BLOC1S4: variants seen among roughly 807,000 people sequenced by gnomAD.
BLOC1S4 encodes the protein biogenesis of lysosomal organelles complex 1 subunit 4, also known as biogenesis of lysosome-related organelles complex 1 subunit 4.
For missense variants in BLOC1S4, 332 were observed against 308.8 expected (o/e 1.07, Z -0.56); for synonymous variants, 179 against 143.7 (o/e 1.25, Z -1.76).
rs1410790530 is a variant in BLOC1S4 at position 6,716,914 on chromosome 4, T to C, written c.*51T>C. The C allele has an allele frequency of 2.0e-6, 3 of 1,470,764 alleles. No individual in the cohort carries two copies. Among genetic ancestry groups the C allele is most frequent in the Non-Finnish European group, 2.7e-6 (3 of 1,096,100 alleles). 91.1% of individuals were successfully genotyped at this position (1,470,764 alleles called of 1,614,324 possible). A position where few individuals can be genotyped will look rare whatever the true frequency, so the allele number is the denominator to read the frequency against. On this transcript the variant is annotated 3_prime_UTR_variant, in exon 1 of 1. Transcript: ENST00000320776. The stretch of plus-strand genomic sequence containing the variant: ...CCCCAGCTGGGGTGCTTACCTCCAG[T>C]ATGAAGTGAATTGCAAATCCTGCTT...
chr4:6,716,752 G>A lies in BLOC1S4; in HGVS notation c.543G>A (p.Ser181=). The A allele has an allele frequency of 1.2e-6, 2 of 1,613,844 alleles. No individual in the cohort carries two copies. The highest frequency in any genetic ancestry group is 1.3e-5 in the African/African-American group (1 of 75,068). The stretch of plus-strand genomic sequence containing the variant: ...TCCTGCACACGATGAACGTGCCCTC[G>A]CTCTTTAGCAAGTCTGCTCCCTCGA... ...KKLLHTMNVP[S]LFSKSAPSRP... is the part of the protein sequence containing the mutation. The change falls in exon 1 of 1, where the codon TCG becomes TCA. Residue 181 remains serine, a synonymous_variant. Transcript: ENST00000320776.
rs993108085 is a variant in BLOC1S4 at position 6,717,607 on chromosome 4, A to G, written c.*744A>G. On this transcript the variant is annotated 3_prime_UTR_variant, in exon 1 of 1. Coordinates refer to ENST00000320776, the MANE Select transcript of BLOC1S4 (RefSeq NM_018366.3). ...TATGTGGGTTGCCAATGTTTGGTTT[A>G]TAATTTAAATGTTAATAGAAATTTT... 2 of 166,546 alleles carry G rather than the reference A, an allele frequency of 1.2e-5. No individual in the cohort carries two copies. The highest frequency in any genetic ancestry group is 1.9e-4 in the East Asian group (1 of 5,200). 10.3% of individuals were successfully genotyped at this position (166,546 alleles called of 1,614,324 possible). A position where few individuals can be genotyped will look rare whatever the true frequency, so the allele number is the denominator to read the frequency against.
chr4:6,716,662 G>A lies in BLOC1S4; in HGVS notation c.453G>A (p.Arg151=), dbSNP rs750847509. The A allele has an allele frequency of 1.1e-5, 18 of 1,611,016 alleles. No homozygotes were observed. In the South Asian group the frequency reaches 1.4e-4, roughly 13 times the overall value. Residue 151 remains arginine, a synonymous_variant, in exon 1 of 1, where the codon AGG becomes AGA. Transcript: ENST00000320776. ...GGATGGTGGGGGGCCGCGTGGCCAG[G>A]ATGGAGGAGCAGGTCACCAAGGCCG... ...FVRMVGGRVA[R]MEEQVTKAEA... is the part of the protein sequence containing the mutation.
rs938973056 is a variant in BLOC1S4, at chr4:6,716,452, G to A, written c.243G>A (p.Glu81=). The A allele has an allele frequency of 1.3e-6, 2 of 1,533,928 alleles. No homozygotes were observed. The highest frequency in any genetic ancestry group is 1.4e-5 in the African/African-American group (1 of 72,924). Residue 81 remains glutamate (E), a synonymous_variant, in exon 1 of 1, where the codon GAG becomes GAA. Coordinates refer to ENST00000320776, the MANE Select transcript of BLOC1S4 (RefSeq NM_018366.3). ...TGCCCGGGGCCGGGGCGCGGCCCGA[G>A]GTCGAGGCCCTGGACGCGAGCCTAG... The part of the protein sequence containing the change: ...CLLPGAGARP[E]VEALDASLED...
rs1409878960 is a variant in BLOC1S4, at chr4:6,716,245, G to T, written c.36G>T (p.Pro12=). The T allele has an allele frequency of 9.7e-6, 12 of 1,234,024 alleles. No homozygotes were observed. Among genetic ancestry groups the T allele is most frequent in the African/African-American group, 1.6e-5 (1 of 64,340 alleles). The allele number at this position is 1,234,024 out of a possible 1,614,324, so 76.4% of individuals were successfully genotyped here. The part of the protein sequence containing the change: ...EGSFSDGGAL[P]EGLAEEAEPQ... ...GCTTTTCGGATGGCGGAGCGCTGCC[G>T]GAGGGGCTCGCGGAAGAGGCCGAGC... is the stretch of plus-strand genomic sequence containing the variant. The change falls in exon 1 of 1, where the codon CCG becomes CCT. Residue 12 remains proline (P), a synonymous_variant. Coordinates refer to ENST00000320776, the MANE Select transcript of BLOC1S4 (RefSeq NM_018366.3).
Position 6,716,226 on chromosome 4 carries a change from C to G in BLOC1S4, c.17C>G (p.Ser6Trp). Residue 6 changes from serine to tryptophan, a missense_variant, in exon 1 of 1, where the codon TCG becomes TGG. By Grantham distance (177) the Ser-to-Trp change is radical. Transcript: ENST00000320776. ...TCGCGGGCCATGGAGGGTAGCTTTTCGGATGGCGGAGCGCTGCCGGAGGGG... is the reference window on the plus strand; with the variant it reads ...TCGCGGGCCATGGAGGGTAGCTTTTGGGATGGCGGAGCGCTGCCGGAGGGG... MEGSF[S>W]DGGALPEGLA... 1 of 1,234,356 alleles carries G rather than the reference C, an allele frequency of 8.1e-7. No homozygotes were observed. Among genetic ancestry groups the G allele is most frequent in the Non-Finnish European group, 1.0e-6 (1 of 987,840 alleles). The allele number at this position is 1,234,356 out of a possible 1,614,324, so 76.5% of individuals were successfully genotyped here. A position where few individuals can be genotyped will look rare whatever the true frequency, so the allele number is the denominator to read the frequency against.
chr4:6,716,625 A>G lies in BLOC1S4; in HGVS notation c.416A>G (p.Glu139Gly), dbSNP rs1577329238. The G allele has an allele frequency of 6.2e-7, 1 of 1,607,912 alleles. No homozygotes were observed. ...ATCTACAGCAGGATCGACCGGCTGG[A>G]GGCCTTCGTGAGGATGGTGGGGGGC... ...RRIYSRIDRLEAFVRMVGGRV... is the reference protein window; with the variant it reads ...RRIYSRIDRLGAFVRMVGGRV... The change falls in exon 1 of 1, where the codon GAG becomes GGG. Residue 139 changes from glutamate (E) to glycine (G), a missense_variant. Glu to Gly is a moderately conservative substitution (Grantham distance 98). Transcript: ENST00000320776.
In BLOC1S4 at chr4:6,717,427, C is replaced by T. The variant is rs961649092; in HGVS notation, c.*564C>T. ...TACATTATTTAATATTATATTAAAC[C>T]TCCTATAGCGTGGATTGTAGACCAA... On this transcript the variant is annotated 3_prime_UTR_variant, in exon 1 of 1. Transcript: ENST00000320776. 1 of 166,566 alleles carries T rather than the reference C, an allele frequency of 6.0e-6. No homozygotes were observed. Among genetic ancestry groups the T allele is most frequent in the Non-Finnish European group, 1.5e-5 (1 of 68,102 alleles). The allele number at this position is 166,566 out of a possible 1,614,324, so 10.3% of individuals were successfully genotyped here. A position where few individuals can be genotyped will look rare whatever the true frequency, so the allele number is the denominator to read the frequency against.
rs1189343445 is a variant in BLOC1S4, at chr4:6,716,293, G to T, written c.84G>T (p.Gly28=). ...EAEPQGAAWS[G]DSGTVSQSHS... is the part of the protein sequence containing the mutation. ...AGCCGCAGGGCGCCGCCTGGAGCGG[G>T]GACAGTGGCACTGTTTCCCAGAGCC... Residue 28 remains glycine (G), a synonymous_variant, in exon 1 of 1, where the codon GGG becomes GGT. Coordinates refer to ENST00000320776, the MANE Select transcript of BLOC1S4 (RefSeq NM_018366.3). 8 of 1,233,116 alleles carry T rather than the reference G, an allele frequency of 6.5e-6. No individual in the cohort carries two copies. The highest frequency in any genetic ancestry group is 8.1e-6 in the Non-Finnish European group (8 of 988,516). 76.4% of individuals were successfully genotyped at this position (1,233,116 alleles called of 1,614,324 possible). A position where few individuals can be genotyped will look rare whatever the true frequency, so the allele number is the denominator to read the frequency against.
Position 6,716,358 on chromosome 4 carries a change from A to T in BLOC1S4, c.149A>T (p.Glu50Val). Residue 50 changes from glutamate (E) to valine (V), a missense_variant, in exon 1 of 1, where the codon GAG becomes GTG. Coordinates refer to ENST00000320776, the MANE Select transcript of BLOC1S4 (RefSeq NM_018366.3). The stretch of plus-strand genomic sequence containing the variant: ...GGGCCGTGGGAGGACGAGGGCGCGG[A>T]GGACGGCGCGCCGGGCCGCGACCTG... ...ASGPWEDEGA[E>V]DGAPGRDLPL... is the part of the protein sequence containing the mutation. 3 of 1,236,016 alleles carry T rather than the reference A, an allele frequency of 2.4e-6. No homozygotes were observed. The highest frequency in any genetic ancestry group is 2.0e-6 in the Non-Finnish European group (2 of 992,564). 76.6% of individuals were successfully genotyped at this position (1,236,016 alleles called of 1,614,324 possible).
At position 6,716,221 on chromosome 4, in the gene BLOC1S4, C is replaced by T. The variant is rs1332371930; in HGVS notation, c.12C>T (p.Ser4=). 4.9e-6 allele frequency: 6 copies of T among 1,234,354 alleles called. No homozygotes were observed. Among genetic ancestry groups the T allele is most frequent in the African/African-American group, 4.7e-5 (3 of 64,332 alleles). The allele number at this position is 1,234,354 out of a possible 1,614,324, so 76.5% of individuals were successfully genotyped here. The change falls in exon 1 of 1, where the codon AGC becomes AGT. Residue 4 remains serine, a synonymous_variant. Transcript: ENST00000320776. Reference sequence around the variant, plus strand: ...GGTGGTCGCGGGCCATGGAGGGTAGCTTTTCGGATGGCGGAGCGCTGCCGG... The same window carrying T: ...GGTGGTCGCGGGCCATGGAGGGTAGTTTTTCGGATGGCGGAGCGCTGCCGG... MEG[S]FSDGGALPEG...
chr4:6,716,393 C>A lies in BLOC1S4; in HGVS notation c.184C>A (p.Arg62Ser). 8.0e-7 allele frequency: 1 copy of A among 1,256,580 alleles called. No homozygotes were observed. The highest frequency in any genetic ancestry group is 1.0e-6 in the Non-Finnish European group (1 of 1,003,978). The allele number at this position is 1,256,580 out of a possible 1,614,324, so 77.8% of individuals were successfully genotyped here. A position where few individuals can be genotyped will look rare whatever the true frequency, so the allele number is the denominator to read the frequency against. The change falls in exon 1 of 1, where the codon CGC becomes AGC. Residue 62 changes from arginine (R) to serine (S), a missense_variant. Physicochemically the swap from Arg to Ser is moderately radical, Grantham distance 110. Coordinates refer to ENST00000320776, the MANE Select transcript of BLOC1S4 (RefSeq NM_018366.3). ...GCCGGGCCGCGACCTGCCGCTGCTT[C>A]GCCGCGCCGCTGCGGGCTACGCCGC... ...GAPGRDLPLL[R>S]RAAAGYAACL...
Position 6,716,647 on chromosome 4 carries a change from G to A in BLOC1S4, c.438G>A (p.Gly146=). The A allele has an allele frequency of 6.2e-7, 1 of 1,609,826 alleles. No homozygotes were observed. The highest frequency in any genetic ancestry group is 1.3e-5 in the African/African-American group (1 of 75,072). The part of the protein sequence containing the change: ...DRLEAFVRMV[G]GRVARMEEQV... ...TGGAGGCCTTCGTGAGGATGGTGGG[G>A]GGCCGCGTGGCCAGGATGGAGGAGC... Residue 146 remains glycine (G), a synonymous_variant, in exon 1 of 1, where the codon GGG becomes GGA. Coordinates refer to ENST00000320776, the MANE Select transcript of BLOC1S4 (RefSeq NM_018366.3).
chr4:6,716,936 G>A lies in BLOC1S4; in HGVS notation c.*73G>A, dbSNP rs771201450. ...CAGTATGAAGTGAATTGCAAATCCT[G>A]CTTATGGACATATATGATGTTGGAG... On this transcript the variant is annotated 3_prime_UTR_variant, in exon 1 of 1. Coordinates refer to ENST00000320776, the MANE Select transcript of BLOC1S4 (RefSeq NM_018366.3). 2.3e-6 allele frequency: 3 copies of A among 1,322,984 alleles called. No individual in the cohort carries two copies. Among genetic ancestry groups the A allele is most frequent in the Non-Finnish European group, 3.1e-6 (3 of 974,026 alleles). 82.0% of individuals were successfully genotyped at this position (1,322,984 alleles called of 1,614,324 possible).
rs761957751 is a variant in BLOC1S4 at position 6,716,656 on chromosome 4, G to A, written c.447G>A (p.Val149=). The stretch of plus-strand genomic sequence containing the variant: ...TCGTGAGGATGGTGGGGGGCCGCGT[G>A]GCCAGGATGGAGGAGCAGGTCACCA... ...EAFVRMVGGR[V]ARMEEQVTKA... is the part of the protein sequence containing the mutation. Residue 149 remains valine (V), a synonymous_variant, in exon 1 of 1, where the codon GTG becomes GTA. Coordinates refer to ENST00000320776, the MANE Select transcript of BLOC1S4 (RefSeq NM_018366.3). 3 of 1,610,522 alleles carry A rather than the reference G, an allele frequency of 1.9e-6. No homozygotes were observed. The highest frequency in any genetic ancestry group is 2.5e-6 in the Non-Finnish European group (3 of 1,179,720).
In BLOC1S4 at chr4:6,716,587, C is replaced by G; in HGVS notation, c.378C>G (p.Ala126=). 6.3e-7 allele frequency: 1 copy of G among 1,598,730 alleles called. No homozygotes were observed. Among genetic ancestry groups the G allele is most frequent in the Non-Finnish European group, 8.5e-7 (1 of 1,176,440 alleles). Residue 126 remains alanine, a synonymous_variant, in exon 1 of 1, where the codon GCC becomes GCG. Coordinates refer to ENST00000320776, the MANE Select transcript of BLOC1S4 (RefSeq NM_018366.3). ...EGVPRIHAKA[A]EMRRIYSRID... ...TGCCGCGCATCCACGCGAAGGCCGC[C>G]GAGATGCGGCGCATCTACAGCAGGA...
At position 6,717,505 on chromosome 4, in the gene BLOC1S4, A is replaced by G. The variant is rs1714943906; in HGVS notation, c.*642A>G. 6.0e-6 allele frequency: 1 copy of G among 166,878 alleles called. No individual in the cohort carries two copies. The highest frequency in any genetic ancestry group is 6.5e-5 in the Admixed American group (1 of 15,278). 10.3% of individuals were successfully genotyped at this position (166,878 alleles called of 1,614,324 possible). ...ATGTTGATTTTTTGTGACTAATTCC[A>G]AAGTTGTATTTGAAAGTATGACCTC... On this transcript the variant is annotated 3_prime_UTR_variant, in exon 1 of 1. Transcript: ENST00000320776.
At position 6,717,531 on chromosome 4, in the gene BLOC1S4, A is replaced by G. The variant is rs1714944623; in HGVS notation, c.*668A>G. On this transcript the variant is annotated 3_prime_UTR_variant, in exon 1 of 1. Coordinates refer to ENST00000320776, the MANE Select transcript of BLOC1S4 (RefSeq NM_018366.3). ...AAGTTGTATTTGAAAGTATGACCTC[A>G]CAGTCTTCATTTGTCCATAGCAAAC... is the stretch of plus-strand genomic sequence containing the variant. 1 of 166,758 alleles carries G rather than the reference A, an allele frequency of 6.0e-6. No individual in the cohort carries two copies. Among genetic ancestry groups the G allele is most frequent in the African/African-American group, 2.4e-5 (1 of 41,424 alleles). The allele number at this position is 166,758 out of a possible 1,614,324, so 10.3% of individuals were successfully genotyped here. A position where few individuals can be genotyped will look rare whatever the true frequency, so the allele number is the denominator to read the frequency against.
In BLOC1S4 at chr4:6,716,583, C is replaced by T; in HGVS notation, c.374C>T (p.Ala125Val). 2 of 1,594,982 alleles carry T rather than the reference C, an allele frequency of 1.3e-6. No homozygotes were observed. The highest frequency in any genetic ancestry group is 1.7e-6 in the Non-Finnish European group (2 of 1,174,902). The stretch of plus-strand genomic sequence containing the variant: ...GGCGTGCCGCGCATCCACGCGAAGG[C>T]CGCCGAGATGCGGCGCATCTACAGC... The part of the protein sequence containing the change: ...SEGVPRIHAK[A>V]AEMRRIYSRI... Residue 125 changes from alanine to valine, a missense_variant, in exon 1 of 1, where the codon GCC becomes GTC. Transcript: ENST00000320776.
Sources: allele counts gnomAD v4.1 joint callset, GRCh38; gene constraint gnomAD v4.1.1; transcripts MANE v1.5; gene names NCBI Gene and HGNC (gene_info 2026-07-23, HGNC 2026-07-21).